INTS4: variants seen among roughly 807,000 people sequenced by gnomAD.
INTS4 encodes the protein integrator complex subunit 4.
In INTS4, 70 loss-of-function variants were observed where a neutral mutation model predicts 119.5. The observed-to-expected ratio is 0.59, with a 90% CI of 0.48 to 0.71. The LOEUF (loss-of-function observed/expected upper bound fraction) is 0.71, where lower values mean the gene tolerates loss of function less well. INTS4 is among the 30% of genes least tolerant of loss of function. The probability of loss-of-function intolerance (pLI) is 0.00; values close to 1 mark genes in which losing one functional copy is unlikely to be tolerated. For missense variants in INTS4, 867 were observed against 1,173.2 expected (o/e 0.74, Z 3.81); for synonymous variants, 316 against 419.6 (o/e 0.75, Z 3.02).
Position 77,907,717 on chromosome 11 carries a change from C to T in INTS4, c.2016G>A (p.Lys672=). The T allele has an allele frequency of 6.2e-7, 1 of 1,611,124 alleles. No homozygotes were observed. Among genetic ancestry groups the T allele is most frequent in the East Asian group, 2.2e-5 (1 of 44,822 alleles). ...ATAAATGGAATGGATGCAAACCAAC[C>T]TTGATGAGAAGTAGTTGACAGCGAA... ...TYLRCQLLLI[K]ALQEKLWNVA... Residue 672 remains lysine, a splice_region_variant and synonymous_variant, in exon 16 of 23, where the codon AAG becomes AAA. Transcript: ENST00000534064.
chr11:77,970,024 C>T lies in INTS4; in HGVS notation c.472-8886G>A, dbSNP rs148287420. 1.2e-3 allele frequency among the ~76,000 whole-genome samples: 185 copies of T among 152,222 alleles called. 1 individual carries two copies. In the East Asian group the frequency reaches 0.013, roughly 10 times the overall value. ...TTTTAATGGGCAAATAATATTCTAA[C>T]GTGCATTATTTATCAATTCATCAGC... On this transcript the variant is annotated intron_variant, in intron 4 of 22. Transcript: ENST00000534064.
intron 4 of INTS4, 77 bp from the exon 5 acceptor site, chr11:77,961,215 C>A: frequency 1.4e-6 from 2 of 1,426,602 alleles, no homozygotes; most frequent in Non-Finnish European, 1.8e-6. Context: ...CAAACACAGA[C>A]AAGACCAGAA....
At chr11:77,916,972 G>A (rs994407791) in intron 15 of INTS4, among the ~76,000 whole-genome samples, 1 of 152,216 alleles carries the variant, frequency 6.6e-6, no homozygotes, top group African/African-American at 2.4e-5. Flanking sequence ...GTGAATGAAT[G>A]ACCTAATATA....
intron 2 of INTS4, among the ~76,000 whole-genome samples, chr11:77,982,601 C>A (rs891796629): frequency 6.6e-6 from 1 of 152,036 alleles, no homozygotes; most frequent in Non-Finnish European, 1.5e-5. Flanking sequence ...CTCTAATGGG[C>A]ACCAAAATTC....
At chr11:77,878,505 G>GT (rs554844706), downstream of INTS4, among the ~76,000 whole-genome samples, 6 of 151,844 alleles carry the variant, frequency 4.0e-5, no homozygotes, top group African/African-American at 1.2e-4. Flanking sequence ...ACTGTCAATG[G>GT]TAAAAAAAAA....
In INTS4 at chr11:77,941,841, G is replaced by A. The variant is rs186242095; in HGVS notation, c.919-590C>T. ...ATGTACTATTCTAAGGGCTTTAGAC[G>A]TATATTAACTCATTTAAATCCTCAC... is the stretch of plus-strand genomic sequence containing the variant. On this transcript the variant is annotated intron_variant, in intron 8 of 22. Transcript: ENST00000534064. Among the ~76,000 whole-genome samples the A allele has an allele frequency of 1.2e-3, 181 of 152,030 alleles. 7 individuals carry two copies. In the East Asian group the frequency reaches 0.025, roughly 21 times the overall value.
intron 4 of INTS4, among the ~76,000 whole-genome samples, chr11:77,964,431 G>A (rs1018204818): frequency 5.3e-5 from 8 of 151,732 alleles, no homozygotes; most frequent in South Asian, 2.1e-4. Flanking sequence ...AAAATTAGCC[G>A]GGCATGGTCG....
intron 13 of INTS4, among the ~76,000 whole-genome samples, chr11:77,921,856 C>T (rs1257721819): frequency 1.3e-5 from 2 of 152,066 alleles, no homozygotes; most frequent in African/African-American, 4.8e-5. Flanking sequence ...CAAGGTAAAA[C>T]CCCGTCTCTA....
At chr11:77,931,392 G>T (rs968272104) in intron 10 of INTS4, among the ~76,000 whole-genome samples, 20 of 152,144 alleles carry the variant, frequency 1.3e-4, no homozygotes, top group Non-Finnish European at 2.5e-4. Context: ...CTGTATAAAT[G>T]TGATAAAATT....
chr11:77,882,682 C>G (rs940192826), intron 22 of INTS4, among the ~76,000 whole-genome samples: 3 of 152,144 alleles, frequency 2.0e-5, no homozygotes, highest in African/African-American at 7.2e-5. Context: ...TCAACTACAC[C>G]AGGCCTACCA....
intron 12 of INTS4, among the ~76,000 whole-genome samples, chr11:77,923,315 CAAA>C (rs35475320): frequency 8.0e-5 from 7 of 87,978 alleles, no homozygotes; most frequent in African/African-American, 1.3e-4. Flanking sequence ...GACTCTGTCT[CAAA>C]AAAAAAAAAA....
rs1952582390 is a variant in INTS4, at chr11:77,897,585, C to G, written c.2229-3236G>C. ...GTGGGATCTCAGCTCACTGCAAGCT[C>G]CACCTCCTGGGTTCATGCCATTCTC... On this transcript the variant is annotated intron_variant, in intron 18 of 22. Coordinates refer to ENST00000534064, the MANE Select transcript of INTS4 (RefSeq NM_033547.4). Among the ~76,000 whole-genome samples, 3 of 151,008 alleles carry G rather than the reference C, an allele frequency of 2.0e-5. No homozygotes were observed. In the South Asian group the frequency reaches 6.2e-4, roughly 31 times the overall value.
intron 8 of INTS4, among the ~76,000 whole-genome samples, chr11:77,953,046 G>A (rs1184789255): frequency 6.6e-6 from 1 of 152,202 alleles, no homozygotes; most frequent in East Asian, 1.9e-4. Flanking sequence ...CAGCTGGCTT[G>A]TTTAACTCTA....
chr11:77,888,999 T>C (rs1299170574), intron 21 of INTS4, among the ~76,000 whole-genome samples: 1 of 152,184 alleles, frequency 6.6e-6, no homozygotes, highest in African/African-American at 2.4e-5. Context: ...AGTTCAACCA[T>C]TGTGGATGTC....
chr11:77,948,199 AAAC>A (rs1404793824), intron 8 of INTS4, among the ~76,000 whole-genome samples: 1 of 152,234 alleles, frequency 6.6e-6, no homozygotes. Context: ...GCAGATACAC[AAAC>A]AAGAAAGAGA....
At chr11:77,941,899 C>T (rs1382075621) in intron 8 of INTS4, among the ~76,000 whole-genome samples, 1 of 151,988 alleles carries the variant, frequency 6.6e-6, no homozygotes, top group African/African-American at 2.4e-5. Context: ...TATATTAGTC[C>T]CATTTTATAT....
intron 21 of INTS4, among the ~76,000 whole-genome samples, chr11:77,888,898 T>C (rs1457187083): frequency 6.6e-6 from 1 of 152,164 alleles, no homozygotes; most frequent in Non-Finnish European, 1.5e-5. Flanking sequence ...CCAGTTAGAA[T>C]GGCTATCATT....
intron 16 of INTS4, 36 bp downstream of exon 16, chr11:77,907,681 G>T: frequency 6.7e-7 from 1 of 1,484,198 alleles, no homozygotes; most frequent in Non-Finnish European, 9.4e-7. Flanking sequence ...TGCATTTTTA[G>T]CAACACAATC....
At chr11:77,989,096 T>C (rs1856563423) in intron 2 of INTS4, among the ~76,000 whole-genome samples, 1 of 151,990 alleles carries the variant, frequency 6.6e-6, no homozygotes, top group African/African-American at 2.4e-5. Context: ...TACTTTCTCA[T>C]AGCAGTGAGA....
Sources: allele counts gnomAD v4.1 joint callset (sites outside exome capture counted in the v4.1 genomes callset), GRCh38; gene constraint gnomAD v4.1.1; transcripts MANE v1.5; gene names NCBI Gene and HGNC (gene_info 2026-07-23, HGNC 2026-07-21).